The following RAD17 variants were observed in gnomAD, a reference collection of about 807,000 sequenced individuals.
RAD17 encodes the protein cell cycle checkpoint protein RAD17.
In RAD17, 31 loss-of-function variants were observed where a neutral mutation model predicts 81.5. The observed-to-expected ratio is 0.38, with a 90% CI of 0.29 to 0.51. The LOEUF (loss-of-function observed/expected upper bound fraction) is 0.51. Ranked by LOEUF, RAD17 falls within the 20% of genes least tolerant of loss-of-function variation. RAD17 has a pLI of 0.88. For synonymous variants in RAD17, 261 were observed against 266.2 expected (o/e 0.98, Z 0.19); for missense variants, 681 against 781.2 (o/e 0.87, Z 1.53).
intron 1 of RAD17, 193 bp from the exon 2 acceptor site, chr5:69,370,842 T>C (rs1230799244): frequency 9.3e-6 from 2 of 215,334 alleles, no homozygotes; most frequent in African/African-American, 2.4e-5. Context: ...CCAGTATACT[T>C]TCCAATGTAT....
chr5:69,401,521 G>A (rs987542128), intron 17 of RAD17, among the ~76,000 whole-genome samples: 5 of 152,046 alleles, frequency 3.3e-5, no homozygotes, highest in Non-Finnish European at 5.9e-5. Flanking sequence ...TTTCTGTTAC[G>A]AAATTATAAT....
intron 17 of RAD17, among the ~76,000 whole-genome samples, chr5:69,404,451 G>A (rs977632428): frequency 4.1e-5 from 6 of 147,890 alleles, no homozygotes; most frequent in Non-Finnish European, 7.5e-5. Flanking sequence ...GGGCAACATG[G>A]TGAAACCCTG....
chr5:69,376,980 C>T (rs1387499205), intron 6 of RAD17, among the ~76,000 whole-genome samples: 1 of 152,168 alleles, frequency 6.6e-6, no homozygotes, highest in Non-Finnish European at 1.5e-5. Flanking sequence ...TCTTGAACTC[C>T]TGACCTCAGG....
intron 6 of RAD17, among the ~76,000 whole-genome samples, chr5:69,381,529 CTT>C (rs765359556): frequency 6.6e-6 from 1 of 151,506 alleles, no homozygotes; most frequent in Non-Finnish European, 1.5e-5. Context: ...CTCTAAAAAT[CTT>C]TGTTTCAGAC....
intron 17 of RAD17, among the ~76,000 whole-genome samples, chr5:69,408,892 T>G (rs1765799616): frequency 6.6e-6 from 1 of 152,186 alleles, no homozygotes; most frequent in Non-Finnish European, 1.5e-5. Flanking sequence ...CCAGTTTAAT[T>G]TGGGCAGGTG....
intron 6 of RAD17, 34 bp from the exon 7 acceptor site, chr5:69,381,867 T>C: frequency 6.9e-7 from 1 of 1,446,248 alleles, no homozygotes; most frequent in East Asian, 2.3e-5. Context: ...TCCAGTGATT[T>C]TGGTTTTTAA....
intron 17 of RAD17, among the ~76,000 whole-genome samples, chr5:69,405,243 C>T (rs139581762): frequency 8.5e-4 from 130 of 152,240 alleles, no homozygotes; most frequent in Non-Finnish European, 1.5e-3. Flanking sequence ...GTGGCTCACG[C>T]CTGTAATCCC....
chr5:69,376,999 C>T lies in RAD17; in HGVS notation c.351+2288C>T, dbSNP rs79719855. 6.2e-3 allele frequency among the ~76,000 whole-genome samples: 948 copies of T among 152,242 alleles called. 7 individuals are homozygous for T. The highest frequency in any genetic ancestry group is 0.022 in the African/African-American group (897 of 41,540). On this transcript the variant is annotated intron_variant, in intron 6 of 18. Coordinates refer to ENST00000354868, the MANE Select transcript of RAD17 (RefSeq NM_133338.3). ...GAACTCCTGACCTCAGGTGATTTACCCGCCTCGGCTTCCCTAAGTGCTGGG... is the reference window on the plus strand; with the variant it reads ...GAACTCCTGACCTCAGGTGATTTACTCGCCTCGGCTTCCCTAAGTGCTGGG...
intron 18 of RAD17, among the ~76,000 whole-genome samples, chr5:69,412,899 GA>G (rs1766097174): frequency 1.3e-5 from 2 of 151,756 alleles, no homozygotes; most frequent in African/African-American, 4.8e-5. Flanking sequence ...TGAGACAGGA[GA>G]ATCGCTTGAA....
chr5:69,374,627 G>A lies in RAD17; in HGVS notation c.268-1G>A, dbSNP rs775013734. On this transcript the variant is annotated splice_acceptor_variant, in intron 5 of 18. Coordinates refer to ENST00000354868, the MANE Select transcript of RAD17 (RefSeq NM_133338.3). LOFTEE classifies it high-confidence loss of function. Reference sequence around the variant, plus strand: ...TTTTAAATTTGAAATTTTTGTTGTAGCATGAACTTGCTGTGCATAAAAAGA... The same window carrying A: ...TTTTAAATTTGAAATTTTTGTTGTAACATGAACTTGCTGTGCATAAAAAGA... 1.0e-5 allele frequency: 16 copies of A among 1,602,748 alleles called. No individual in the cohort carries two copies. Among genetic ancestry groups the A allele is most frequent in the Non-Finnish European group, 1.3e-5 (15 of 1,176,692 alleles).
chr5:69,407,562 G>GT lies in RAD17; in HGVS notation c.1694-2900dup, dbSNP rs550222595. Among the ~76,000 whole-genome samples, 269 of 40,918 alleles carry GT rather than the reference G, an allele frequency of 6.6e-3. 90 individuals are homozygous for GT. Among genetic ancestry groups the GT allele is most frequent in the Non-Finnish European group, 7.0e-3 (171 of 24,378 alleles). 26.8% of individuals were successfully genotyped at this position (40,918 alleles called of 152,430 possible). On this transcript the variant is annotated intron_variant, in intron 17 of 18. Transcript: ENST00000354868. ...CTTCTATATGTCAATCTATGTCCAA[G>GT]TTTTTTTTTTTTTTTTTTTTTTTTT...
At chr5:69,372,820 T>C (rs1763089751) in intron 4 of RAD17, among the ~76,000 whole-genome samples, 1 of 152,106 alleles carries the variant, frequency 6.6e-6, no homozygotes, top group Non-Finnish European at 1.5e-5. Context: ...TATGTTATGC[T>C]AGCTGTTCTC....
chr5:69,382,023 C>A lies in RAD17; in HGVS notation c.474C>A (p.Phe158Leu). 6.2e-7 allele frequency: 1 copy of A among 1,611,968 alleles called. No homozygotes were observed. The highest frequency in any genetic ancestry group is 8.5e-7 in the Non-Finnish European group (1 of 1,178,724). ...GGATTAATCCAGTTTTACCAGACTT[C>A]CAAAAAGATGATTTCAAGGGGATGT... ...QEWINPVLPDFQKDDFKGMFN... is the reference protein window; with the variant it reads ...QEWINPVLPDLQKDDFKGMFN... The change falls in exon 7 of 19, where the codon TTC becomes TTA. Residue 158 changes from phenylalanine to leucine, a missense_variant. Transcript: ENST00000354868.
At chr5:69,374,174 G>A (rs1458594819) in intron 5 of RAD17, 87 bp downstream of exon 5, 5 of 1,170,746 alleles carry the variant, frequency 4.3e-6, no homozygotes, top group Non-Finnish European at 6.0e-6. Context: ...TACATTTTCA[G>A]ATTTTTTACT....
chr5:69,382,075 GGTA>G lies in RAD17; in HGVS notation c.508+23_508+25del, dbSNP rs1763894713. 1 of 1,606,560 alleles carries G rather than the reference GGTA, an allele frequency of 6.2e-7. No homozygotes were observed. The highest frequency in any genetic ancestry group is 8.5e-7 in the Non-Finnish European group (1 of 1,175,056). On this transcript the variant is annotated intron_variant, in intron 7 of 18. Transcript: ENST00000354868. Reference sequence around the variant, plus strand: ...TAATACTGGTAAGATTTGCTGTGAAGGTAGTAGAAGTAGTGGGGCAAACCTGTG... The same window carrying G: ...TAATACTGGTAAGATTTGCTGTGAAGGTAGAAGTAGTGGGGCAAACCTGTG...
chr5:69,377,650 C>A (rs1456142437), intron 6 of RAD17, among the ~76,000 whole-genome samples: 1 of 22,410 alleles, frequency 4.5e-5, no homozygotes, highest in African/African-American at 8.7e-5. Flanking sequence ...TATATATATG[C>A]ATATATATAT....
rs1388391045 is a variant in RAD17, at chr5:69,414,341, C to T, written c.*49C>T. ...CTACTTCACAGCTTCATTTTTGTTT[C>T]ATTCAGTGGTACTTCAGCAGAGTTA... On this transcript the variant is annotated 3_prime_UTR_variant, in exon 19 of 19. Transcript: ENST00000354868. 1 of 1,570,070 alleles carries T rather than the reference C, an allele frequency of 6.4e-7. No homozygotes were observed. Among genetic ancestry groups the T allele is most frequent in the Admixed American group, 1.7e-5 (1 of 58,028 alleles).
At chr5:69,410,996 T>TAC (rs1554044724) in intron 18 of RAD17, among the ~76,000 whole-genome samples, 8 of 144,864 alleles carry the variant, frequency 5.5e-5, no homozygotes, top group South Asian at 2.2e-4. Flanking sequence ...TATATATATA[T>TAC]ACTGTTCATT....
chr5:69,412,342 T>C (rs1766064606), intron 18 of RAD17, among the ~76,000 whole-genome samples: 2 of 152,296 alleles, frequency 1.3e-5, no homozygotes, highest in South Asian at 4.1e-4. Context: ...CCATTGTTCA[T>C]ATGTTTAGTA....
Sources: gnomAD v4.1 joint callset for allele counts (sites outside exome capture counted in the v4.1 genomes callset) on GRCh38, gnomAD v4.1.1 for gene constraint, MANE v1.5 for transcripts, NCBI Gene and HGNC (gene_info 2026-07-23, HGNC 2026-07-21) for gene names.